The following ATXN1 variants were observed in gnomAD, a reference collection of about 807,000 sequenced individuals.
ATXN1 encodes ataxin-1.
In ATXN1, 8 loss-of-function variants were observed where a neutral mutation model predicts 56.4. That is an observed-to-expected ratio of 0.14 (90% confidence interval 0.08 to 0.26). ATXN1 has a LOEUF of 0.26. Ranked by LOEUF, ATXN1 falls within the 10% of genes least tolerant of loss-of-function variation. The probability of loss-of-function intolerance (pLI) is 1.00; values close to 1 mark genes in which losing one functional copy is unlikely to be tolerated. For synonymous variants in ATXN1, 514 were observed against 494.6 expected, an observed-to-expected ratio of 1.04 and a Z score of -0.52; for missense variants, 987 against 1,106.5, an observed-to-expected ratio of 0.89 and a Z score of 1.53.
At chr6:16,559,103 A>G (rs984439963) in intron 4 of ATXN1, among the ~76,000 whole-genome samples, 1 of 152,218 alleles carries the variant, frequency 6.6e-6, no homozygotes, top group African/African-American at 2.4e-5. Context: ...TTCACCTCTC[A>G]GATTGGCAAA....
At chr6:16,418,278 C>A (rs954743869) in intron 6 of ATXN1, among the ~76,000 whole-genome samples, 2 of 152,202 alleles carry the variant, frequency 1.3e-5, no homozygotes, top group Non-Finnish European at 2.9e-5. Context: ...CAATTAGTCC[C>A]TTCCTCTAGA....
At chr6:16,338,691 A>C (rs1182203460) in intron 6 of ATXN1, among the ~76,000 whole-genome samples, 1 of 152,124 alleles carries the variant, frequency 6.6e-6, no homozygotes, top group Non-Finnish European at 1.5e-5. Context: ...TTCCTCATGA[A>C]TTCTCAGTGA....
chr6:16,337,210 A>C (rs1761143254), intron 6 of ATXN1, among the ~76,000 whole-genome samples: 2 of 152,242 alleles, frequency 1.3e-5, no homozygotes, highest in African/African-American at 4.8e-5. Flanking sequence ...ATCAATTCTT[A>C]GATTCCTGGC....
At position 16,369,275 on chromosome 6, in the gene ATXN1, C is replaced by T. The variant is rs77925603; in HGVS notation, c.-160-40805G>A. Among the ~76,000 whole-genome samples, 1,272 of 152,286 alleles carry T rather than the reference C, an allele frequency of 8.4e-3. 17 individuals are homozygous for T. The highest frequency in any genetic ancestry group is 0.029 in the African/African-American group (1,186 of 41,550). ...TGGAGGAATGGGCAGTATGTGGTTT[C>T]CCCTATTCTACTAGTCTCCAACCCA... On this transcript the variant is annotated intron_variant, in intron 6 of 7. Transcript: ENST00000436367.
intron 4 of ATXN1, among the ~76,000 whole-genome samples, chr6:16,554,969 G>A (rs889632074): frequency 6.6e-6 from 1 of 152,068 alleles, no homozygotes; most frequent in African/African-American, 2.4e-5. Flanking sequence ...TCAATCCCAC[G>A]CTGGCTCATC....
intron 6 of ATXN1, among the ~76,000 whole-genome samples, chr6:16,356,505 C>T (rs932573863): frequency 1.3e-5 from 2 of 152,170 alleles, no homozygotes; most frequent in Non-Finnish European, 2.9e-5. Flanking sequence ...AGTTGAGGCT[C>T]ACATAATTGT....
chr6:16,547,105 G>A (rs781404700), intron 4 of ATXN1, among the ~76,000 whole-genome samples: 16 of 152,294 alleles, frequency 1.1e-4, no homozygotes, highest in Non-Finnish European at 2.1e-4. Context: ...ATCCCTGACC[G>A]AAGTGGACTT....
intron 6 of ATXN1, among the ~76,000 whole-genome samples, chr6:16,443,032 A>C (rs1759549683): frequency 6.7e-6 from 1 of 150,192 alleles, no homozygotes; most frequent in South Asian, 2.1e-4. Context: ...CAAACAAAAA[A>C]AATAGCGGGC....
intron 4 of ATXN1, among the ~76,000 whole-genome samples, chr6:16,572,460 C>A (rs1265559589): frequency 1.3e-5 from 2 of 152,178 alleles, no homozygotes; most frequent in African/African-American, 4.8e-5. Context: ...CCCTGAACCG[C>A]AAGGCCATAC....
At chr6:16,745,263 T>A (rs1180468736) in intron 2 of ATXN1, among the ~76,000 whole-genome samples, 1 of 152,188 alleles carries the variant, frequency 6.6e-6, no homozygotes, top group East Asian at 1.9e-4. Context: ...CTGATGTGAG[T>A]GTGTCCTCGG....
intron 3 of ATXN1, among the ~76,000 whole-genome samples, chr6:16,639,151 CA>C (rs1454047063): frequency 6.6e-6 from 1 of 152,184 alleles, no homozygotes; most frequent in Non-Finnish European, 1.5e-5. Flanking sequence ...TGGGCAGGGA[CA>C]AATAAGGGAA....
intron 7 of ATXN1, among the ~76,000 whole-genome samples, chr6:16,320,895 G>A (rs1394410085): frequency 2.0e-5 from 3 of 152,166 alleles, no homozygotes; most frequent in South Asian, 4.1e-4. Context: ...TTACAGGCAG[G>A]GTAAAAATGG....
rs1481854504 is a variant in ATXN1, at chr6:16,721,603, G to T, written c.-615+31630C>A. ...GATCATGCCACTGCACTCCAGCCAG[G>T]GTGATAGAGGGAGACCCTGCCTCTT... On this transcript the variant is annotated intron_variant, in intron 2 of 7. Coordinates refer to ENST00000436367, the MANE Select transcript of ATXN1 (RefSeq NM_001128164.2). 2.6e-5 allele frequency among the ~76,000 whole-genome samples: 4 copies of T among 152,208 alleles called. No homozygotes were observed. In the East Asian group the frequency reaches 7.7e-4, roughly 29 times the overall value.
chr6:16,451,765 AAAAG>A (rs948253870), intron 6 of ATXN1, among the ~76,000 whole-genome samples: 3 of 152,206 alleles, frequency 2.0e-5, no homozygotes, highest in Non-Finnish European at 4.4e-5. Flanking sequence ...CAAAAAAAAA[AAAAG>A]AAAGAAAATA....
chr6:16,311,114 G>C (rs1162693155), intron 7 of ATXN1, among the ~76,000 whole-genome samples: 1 of 152,140 alleles, frequency 6.6e-6, no homozygotes, highest in Non-Finnish European at 1.5e-5. Flanking sequence ...CAAGCTAAAA[G>C]TTTTTGAGTG....
rs1323880304 is a variant in ATXN1, at chr6:16,301,624, C to G, written c.*4705G>C. ...AAAAAAAAGTGTAATTCTCTCCTTT[C>G]ACATCACCACCGAAGAAACCGAATT... On this transcript the variant is annotated 3_prime_UTR_variant, in exon 8 of 8. Coordinates refer to ENST00000436367, the MANE Select transcript of ATXN1 (RefSeq NM_001128164.2). The G allele has an allele frequency of 6.6e-6, 1 of 152,386 alleles. No individual in the cohort carries two copies. Among genetic ancestry groups the G allele is most frequent in the Non-Finnish European group, 1.5e-5 (1 of 68,006 alleles). 9.4% of individuals were successfully genotyped at this position (152,386 alleles called of 1,614,324 possible).
chr6:16,535,473 T>C (rs1387178057), intron 4 of ATXN1, among the ~76,000 whole-genome samples: 2 of 152,124 alleles, frequency 1.3e-5, no homozygotes, highest in Non-Finnish European at 2.9e-5. Context: ...GAGCTGCCAA[T>C]GGCCAGAACT....
chr6:16,607,008 T>A (rs1464358123), intron 3 of ATXN1, among the ~76,000 whole-genome samples: 1 of 151,824 alleles, frequency 6.6e-6, no homozygotes, highest in Non-Finnish European at 1.5e-5. Flanking sequence ...TGCCTCAGCC[T>A]CCCAAGTAGC....
intron 6 of ATXN1, among the ~76,000 whole-genome samples, chr6:16,476,541 A>G (rs545406179): frequency 7.8e-4 from 118 of 152,184 alleles, no homozygotes; most frequent in African/African-American, 2.7e-3. Flanking sequence ...AAAACAAAAA[A>G]CAAAAACTGT....
Sources: allele counts gnomAD v4.1 joint callset (sites outside exome capture counted in the v4.1 genomes callset), GRCh38; gene constraint gnomAD v4.1.1; transcripts MANE v1.5; gene names NCBI Gene and HGNC (gene_info 2026-07-23, HGNC 2026-07-21).